C11orf54: variants seen among roughly 807,000 people sequenced by gnomAD.
C11orf54 encodes beta-keto L-gulonate decarboxylase.
C11orf54 carries 29 observed loss-of-function variants against 35.5 expected under a neutral mutation model. The observed-to-expected ratio is 0.82, with a 90% CI of 0.61 to 1.11. The LOEUF (loss-of-function observed/expected upper bound fraction) is 1.11, where lower values mean the gene tolerates loss of function less well. Among genes scored for constraint, C11orf54 ranks in the 50% most tolerant of loss-of-function variants. The pLI is 0.00. For synonymous variants in C11orf54, 108 were observed against 121.1 expected (o/e 0.89, Z 0.71); for missense variants, 373 against 369.2 (o/e 1.01, Z -0.08).
chr11:93,759,925 A>G (rs1319477171), intron 8 of C11orf54, 67 bp downstream of exon 8: 3 of 957,372 alleles, frequency 3.1e-6, no homozygotes, highest in Non-Finnish European at 4.7e-6. Flanking sequence ...ATAATCTTTA[A>G]GAACTAGGCA....
Position 93,752,753 on chromosome 11 carries a change from T to TG in C11orf54, c.155-929_155-928insG, listed in dbSNP as rs1262872113. ...TCACCTAGATCTCTCTGGGTTTTTTTTTTTTTTTTTTTTGAGACGGAGTCT... is the reference window on the plus strand; with the variant it reads ...TCACCTAGATCTCTCTGGGTTTTTTTGTTTTTTTTTTTTTGAGACGGAGTCT... On this transcript the variant is annotated intron_variant, in intron 3 of 8. Transcript: ENST00000354421. 1.0e-3 allele frequency among the ~76,000 whole-genome samples: 153 copies of TG among 146,770 alleles called. 2 individuals carry two copies. The highest frequency in any genetic ancestry group is 7.0e-3 in the Middle Eastern group (2 of 284).
intron 5 of C11orf54, 60 bp from the exon 6 acceptor site, chr11:93,755,150 T>C (rs1014706547): frequency 1.3e-6 from 2 of 1,505,198 alleles, no homozygotes; most frequent in Non-Finnish European, 9.1e-7. Flanking sequence ...TGTAACATTA[T>C]TCAAGATATT....
rs143746940 is a variant in C11orf54, at chr11:93,745,263, G to A, written c.-97-2034G>A. On this transcript the variant is annotated intron_variant, in intron 1 of 8. Coordinates refer to ENST00000354421, the MANE Select transcript of C11orf54 (RefSeq NM_001286069.2). ...GGGTGTCAGGCTGGGGGACGGTTAG[G>A]TCTTTCCCTTCCCACGAGGCCATAT... 4.6e-3 allele frequency among the ~76,000 whole-genome samples: 700 copies of A among 152,198 alleles called. 8 individuals carry two copies. Among genetic ancestry groups the A allele is most frequent in the African/African-American group, 0.016 (653 of 41,522 alleles).
chr11:93,749,037 G>A (rs1158012446), intron 2 of C11orf54, among the ~76,000 whole-genome samples: 3 of 151,588 alleles, frequency 2.0e-5, no homozygotes, highest in Admixed American at 6.6e-5. Context: ...CCAGCTACTC[G>A]GGAGGCTGAG....
At chr11:93,744,896 G>C (rs1266570414) in intron 1 of C11orf54, among the ~76,000 whole-genome samples, 2 of 152,142 alleles carry the variant, frequency 1.3e-5, no homozygotes, top group African/African-American at 4.8e-5. Flanking sequence ...ATCTCGGCAA[G>C]GGAACTGCGG....
At chr11:93,755,917 A>C (rs1943118216) in intron 6 of C11orf54, among the ~76,000 whole-genome samples, 1 of 151,674 alleles carries the variant, frequency 6.6e-6, no homozygotes, top group African/African-American at 2.4e-5. Context: ...TGTATTCCCA[A>C]GCATTTTGGG....
At chr11:93,746,138 TG>T (rs1942460210) in intron 1 of C11orf54, 1 of 152,226 alleles carries the variant, frequency 6.6e-6, no homozygotes, top group African/African-American at 2.4e-5. Flanking sequence ...GATATGTTGT[TG>T]GAAAGTACCA....
intron 7 of C11orf54, 140 bp downstream of exon 7, chr11:93,757,605 C>A: frequency 1.1e-6 from 1 of 875,460 alleles, no homozygotes; most frequent in Non-Finnish European, 1.7e-6. Flanking sequence ...TCTTGGCTCA[C>A]TGCAACCTCC....
intron 8 of C11orf54, among the ~76,000 whole-genome samples, 161 bp from the exon 9 acceptor site, chr11:93,761,354 C>T (rs1943457958): frequency 6.6e-6 from 1 of 152,176 alleles, no homozygotes; most frequent in Non-Finnish European, 1.5e-5. Context: ...GAAGAAGATA[C>T]ATTTTACTGA....
chr11:93,753,330 G>C (rs1183756715), intron 3 of C11orf54, among the ~76,000 whole-genome samples: 2 of 100,930 alleles, frequency 2.0e-5, no homozygotes, highest in Non-Finnish European at 4.8e-5. Context: ...AACAATTTTA[G>C]CCAAAAAAAG....
intron 2 of C11orf54, among the ~76,000 whole-genome samples, chr11:93,747,864 TC>T (rs532993634): frequency 1.3e-5 from 2 of 152,112 alleles, no homozygotes; most frequent in Admixed American, 1.3e-4. Flanking sequence ...CCAATATAAT[TC>T]CCCCCCACCA....
chr11:93,750,293 G>A, intron 2 of C11orf54, 53 bp from the exon 3 acceptor site: 3 of 1,471,158 alleles, frequency 2.0e-6, no homozygotes, highest in Non-Finnish European at 2.8e-6. Flanking sequence ...TTTGATACGT[G>A]GTAGCCAAGT....
rs555739891 is a variant in C11orf54, at chr11:93,743,474, A to G, written c.-98+1746A>G. On this transcript the variant is annotated intron_variant, in intron 1 of 8. Transcript: ENST00000354421. ...CCTCGCGGGAGGGGGGGCGCGAGTG[A>G]ATGAGGCGGGAACTGGAGTGCTGGA... is the stretch of plus-strand genomic sequence containing the variant. Among the ~76,000 whole-genome samples, 168 of 152,248 alleles carry G rather than the reference A, an allele frequency of 1.1e-3. 6 individuals are homozygous for G. The highest frequency in any genetic ancestry group is 0.01 in the Admixed American group (158 of 15,300).
chr11:93,753,861 T>G, intron 4 of C11orf54, 75 bp from the exon 5 acceptor site: 1 of 1,538,282 alleles, frequency 6.5e-7, no homozygotes, highest in Non-Finnish European at 9.0e-7. Context: ...GAAGTGCTAA[T>G]GGATCAGTAA....
At chr11:93,742,482 T>C (rs919352636) in intron 1 of C11orf54, among the ~76,000 whole-genome samples, 3 of 152,016 alleles carry the variant, frequency 2.0e-5, no homozygotes, top group African/African-American at 7.2e-5. Context: ...CGGGGGTTTC[T>C]CCATGTTGGT....
In C11orf54 at chr11:93,751,399, G is replaced by GTT. The variant is rs71064778; in HGVS notation, c.154+978_154+979dup. The stretch of plus-strand genomic sequence containing the variant: ...GGATTTAGCATAGTACTTTTTTATA[G>GTT]TTTTTTTTTTTTTTTTTTTTTTTTG... On this transcript the variant is annotated intron_variant, in intron 3 of 8. Coordinates refer to ENST00000354421, the MANE Select transcript of C11orf54 (RefSeq NM_001286069.2). 5.1e-3 allele frequency among the ~76,000 whole-genome samples: 378 copies of GTT among 74,692 alleles called. 25 individuals are homozygous for GTT. The highest frequency in any genetic ancestry group is 0.019 in the African/African-American group (364 of 18,932). 49.0% of individuals were successfully genotyped at this position (74,692 alleles called of 152,430 possible).
At chr11:93,756,489 TA>T (rs5793655) in intron 6 of C11orf54, among the ~76,000 whole-genome samples, 75,352 of 137,084 alleles carry the variant, frequency 0.55, 21,266 homozygotes, top group Admixed American at 0.69. Context: ...AGACCTGTCT[TA>T]AAAAAAAAAA....
intron 2 of C11orf54, among the ~76,000 whole-genome samples, chr11:93,749,297 C>T (rs770378590): frequency 3.3e-5 from 5 of 151,916 alleles, no homozygotes; most frequent in Non-Finnish European, 7.4e-5. Flanking sequence ...ACCTGGGCAA[C>T]AAGCCAAAAC....
Position 93,750,452 on chromosome 11 carries a change from A to G in C11orf54, c.154+8A>G, listed in dbSNP as rs1942756933. On this transcript the variant is annotated splice_region_variant and intron_variant, in intron 3 of 8. Transcript: ENST00000354421. ...TTACCTTTCCTGTAAAAGGTAAGCA[A>G]TTTTTGCAATTAGCTTTTGTTTTTT... The G allele has an allele frequency of 1.9e-6, 3 of 1,593,210 alleles. No individual in the cohort carries two copies. Among genetic ancestry groups the G allele is most frequent in the African/African-American group, 1.3e-5 (1 of 74,318 alleles).
Sources: allele counts gnomAD v4.1 joint callset (sites outside exome capture counted in the v4.1 genomes callset), GRCh38; gene constraint gnomAD v4.1.1; transcripts MANE v1.5; gene names NCBI Gene and HGNC (gene_info 2026-07-23, HGNC 2026-07-21).